The following VWA3B variants were observed in gnomAD, a reference collection of about 807,000 sequenced individuals.
The protein encoded by VWA3B is von Willebrand factor A domain-containing protein 3B.
A neutral mutation model predicts 158.3 loss-of-function variants in VWA3B; 138 were observed. The ratio of observed to expected loss-of-function variants is 0.87; its 90% CI spans 0.76 to 1.00. The LOEUF is 1.00. Among genes scored for constraint, VWA3B ranks in the 50% least tolerant of loss-of-function variants. The probability of loss-of-function intolerance (pLI) is 0.00; values close to 1 mark genes in which losing one functional copy is unlikely to be tolerated. For missense variants in VWA3B, 1,555 were observed against 1,565.1 expected (o/e 0.99, Z 0.11); for synonymous variants, 596 against 587.3 (o/e 1.01, Z -0.21).
intron 8 of VWA3B, among the ~76,000 whole-genome samples, chr2:98,176,060 G>A (rs1679989356): frequency 1.3e-5 from 2 of 152,160 alleles, no homozygotes; most frequent in Admixed American, 1.3e-4. Context: ...CTCAGATTGG[G>A]ATGGGCTTCA....
At chr2:98,241,657 AG>A (rs1686081788) in intron 19 of VWA3B, among the ~76,000 whole-genome samples, 1 of 151,998 alleles carries the variant, frequency 6.6e-6, no homozygotes, top group African/African-American at 2.4e-5. Flanking sequence ...CTTGTTCTTC[AG>A]GGGGGCATCC....
chr2:98,157,164 G>A (rs1172282483), intron 7 of VWA3B, among the ~76,000 whole-genome samples: 1 of 152,226 alleles, frequency 6.6e-6, no homozygotes, highest in East Asian at 1.9e-4. Context: ...TTAGACGATA[G>A]CTCAAGTTGC....
In VWA3B at chr2:98,139,240, C is replaced by T. The variant is rs867042195; in HGVS notation, c.988+5301C>T. Among the ~76,000 whole-genome samples the T allele has an allele frequency of 6.6e-5, 10 of 152,234 alleles. 1 individual carries two copies. The highest frequency in any genetic ancestry group is 3.9e-4 in the East Asian group (2 of 5,192). On this transcript the variant is annotated intron_variant, in intron 7 of 27. Transcript: ENST00000477737. ...TCGCCAGGCCTTAGCTGCCTTCCCG[C>T]GGGGCAGGCCTCGGGACTGCAGCCC...
chr2:98,216,616 C>T, intron 13 of VWA3B: 2 of 436,824 alleles, frequency 4.6e-6, no homozygotes, highest in East Asian at 1.4e-4. Flanking sequence ...GTGTGGAGCC[C>T]TGGCTGCACA....
At chr2:98,221,273 G>A (rs1265639378) in intron 14 of VWA3B, among the ~76,000 whole-genome samples, 1 of 152,092 alleles carries the variant, frequency 6.6e-6, no homozygotes, top group Non-Finnish European at 1.5e-5. Context: ...TCTCCAACAA[G>A]CACTGACAAA....
intron 23 of VWA3B, among the ~76,000 whole-genome samples, chr2:98,296,391 G>A (rs376243132): frequency 7.3e-6 from 1 of 136,306 alleles, no homozygotes; most frequent in African/African-American, 2.7e-5. Context: ...GATTAAAAAG[G>A]TAAAGTCAGT....
At chr2:98,090,056 C>G (rs1323031292) in intron 1 of VWA3B, among the ~76,000 whole-genome samples, 3 of 152,154 alleles carry the variant, frequency 2.0e-5, no homozygotes, top group African/African-American at 7.2e-5. Context: ...CTAGTACTCC[C>G]TTCAGCAAGA....
At chr2:98,190,960 TC>T (rs1273746427) in intron 10 of VWA3B, among the ~76,000 whole-genome samples, 2 of 152,264 alleles carry the variant, frequency 1.3e-5, no homozygotes, top group East Asian at 3.9e-4. Context: ...TTCTCCTTCT[TC>T]TACTTTGATT....
At position 98,312,254 on chromosome 2, in the gene VWA3B, A is replaced by C. The variant is rs772144887; in HGVS notation, c.3790A>C (p.Ile1264Leu). The part of the protein sequence containing the change: ...AGRLGLSSHA[I>L]IATPPPRAAL... ...GCGTCTAGGACTCAGCAGCCACGCC[A>C]TCATTGCCACACCTCCACCTCGAGC... The change falls in exon 28 of 28, where the codon ATC (isoleucine) becomes CTC (leucine). Residue 1264 changes from isoleucine to leucine, a missense_variant. Physicochemically the swap from Ile to Leu is conservative, Grantham distance 5. Transcript: ENST00000477737. 1 of 1,614,130 alleles carries C rather than the reference A, an allele frequency of 6.2e-7. No homozygotes were observed. Among genetic ancestry groups the C allele is most frequent in the Non-Finnish European group, 8.5e-7 (1 of 1,180,022 alleles).
intron 7 of VWA3B, among the ~76,000 whole-genome samples, chr2:98,150,770 G>A (rs994823470): frequency 2.6e-5 from 4 of 152,102 alleles, no homozygotes; most frequent in Non-Finnish European, 5.9e-5. Flanking sequence ...TCTAAAATTC[G>A]ATTCATCTCC....
chr2:98,250,561 G>A (rs1286632536), intron 20 of VWA3B, 125 bp downstream of exon 20: 2 of 789,406 alleles, frequency 2.5e-6, no homozygotes, highest in African/African-American at 1.8e-5. Flanking sequence ...AATTGTTCAG[G>A]CTGGGTGTGG....
chr2:98,177,125 C>T (rs1244135991), intron 8 of VWA3B, among the ~76,000 whole-genome samples: 1 of 152,106 alleles, frequency 6.6e-6, no homozygotes, highest in Non-Finnish European at 1.5e-5. Context: ...GGCACTGATA[C>T]CTATGCCCAA....
intron 6 of VWA3B, among the ~76,000 whole-genome samples, chr2:98,128,924 C>T (rs1450345687): frequency 6.6e-6 from 1 of 152,282 alleles, no homozygotes; most frequent in Non-Finnish European, 1.5e-5. Context: ...TTTCCCCTCA[C>T]TCCCTCTGCC....
In VWA3B at chr2:98,111,315, A is replaced by G. The variant is rs115914734; in HGVS notation, c.197-4337A>G. Among the ~76,000 whole-genome samples, 1,201 of 152,334 alleles carry G rather than the reference A, an allele frequency of 7.9e-3. 8 individuals are homozygous for G. The highest frequency in any genetic ancestry group is 0.013 in the Non-Finnish European group (901 of 68,024). On this transcript the variant is annotated intron_variant, in intron 2 of 27. Coordinates refer to ENST00000477737, the MANE Select transcript of VWA3B (RefSeq NM_144992.5). ...ATGAGTAGTATTCCATAGTCTATAC[A>G]CACCATGTGGTCTATATATATAAAC...
Position 98,087,260 on chromosome 2 carries a change from G to A in VWA3B, c.-136G>A, listed in dbSNP as rs1356783413. On this transcript the variant is annotated 5_prime_UTR_variant, in exon 1 of 28. Transcript: ENST00000477737. The stretch of plus-strand genomic sequence containing the variant: ...CGGAATCGCTGCCTTATCCACCAGC[G>A]GGATGCTTACCTCGCCCGCCCTCTC... The A allele has an allele frequency of 2.0e-5, 3 of 152,224 alleles. No homozygotes were observed. The highest frequency in any genetic ancestry group is 2.0e-4 in the Admixed American group (3 of 15,276). The allele number at this position is 152,224 out of a possible 1,614,324, so 9.4% of individuals were successfully genotyped here.
At chr2:98,228,720 G>T (rs1329156210) in intron 15 of VWA3B, among the ~76,000 whole-genome samples, 1 of 152,118 alleles carries the variant, frequency 6.6e-6, no homozygotes, top group Non-Finnish European at 1.5e-5. Flanking sequence ...TCTCCATTGC[G>T]TGGGTCTCTG....
intron 26 of VWA3B, among the ~76,000 whole-genome samples, chr2:98,311,117 G>A (rs1327531454): frequency 6.6e-6 from 1 of 152,160 alleles, no homozygotes; most frequent in African/African-American, 2.4e-5. Context: ...AAGAAAATAA[G>A]GTTTAACATT....
At chr2:98,308,089 A>C (rs1020820351) in intron 26 of VWA3B, among the ~76,000 whole-genome samples, 24 of 152,202 alleles carry the variant, frequency 1.6e-4, no homozygotes, top group Non-Finnish European at 2.8e-4. Context: ...TTGACACCTA[A>C]ATGATTCTTA....
intron 7 of VWA3B, among the ~76,000 whole-genome samples, chr2:98,151,821 A>C (rs1465456070): frequency 6.6e-6 from 1 of 152,234 alleles, no homozygotes; most frequent in East Asian, 1.9e-4. Context: ...ACACATGGAA[A>C]TGTCTAGCAC....
Sources: allele counts gnomAD v4.1 joint callset (sites outside exome capture counted in the v4.1 genomes callset), GRCh38; gene constraint gnomAD v4.1.1; transcripts MANE v1.5; gene names NCBI Gene and HGNC (gene_info 2026-07-23, HGNC 2026-07-21).